Variants in CLSTN1 observed in about 807,000 individuals in gnomAD.
CLSTN1 encodes the protein calsyntenin-1.
In CLSTN1, 28 loss-of-function variants were observed where a neutral mutation model predicts 108.3. The observed-to-expected ratio is 0.26, with a 90% CI of 0.19 to 0.35. CLSTN1 has a LOEUF of 0.35. Ranked by LOEUF, CLSTN1 falls within the 10% of genes least tolerant of loss-of-function variation. The pLI is 1.00. For synonymous variants in CLSTN1, 524 were observed against 534.9 expected (o/e 0.98, Z 0.28); for missense variants, 1,157 against 1,302.6 (o/e 0.89, Z 1.72).
intron 12 of CLSTN1, 26 bp from the exon 13 acceptor site, chr1:9,735,641 G>A (rs775282703): frequency 6.2e-7 from 1 of 1,613,574 alleles, no homozygotes; most frequent in East Asian, 2.2e-5. Context: ...CCACAGAGAG[G>A]AGAAGAATAA....
chr1:9,750,799 C>A (rs1651521674), intron 5 of CLSTN1, among the ~76,000 whole-genome samples: 2 of 151,386 alleles, frequency 1.3e-5, no homozygotes. Flanking sequence ...ACATGTAATC[C>A]CAGCACTTTG....
Position 9,794,058 on chromosome 1 carries a change from G to T in CLSTN1, c.92-20664C>A, listed in dbSNP as rs150819309. On this transcript the variant is annotated intron_variant, in intron 1 of 18. Coordinates refer to ENST00000377298, the MANE Select transcript of CLSTN1 (RefSeq NM_001009566.3). The stretch of plus-strand genomic sequence containing the variant: ...TTTAGTTCAATAAACTAATTGGAGG[G>T]GGATGCTAATGACCGGTAATGACTT... Among the ~76,000 whole-genome samples the T allele has an allele frequency of 4.5e-3, 680 of 151,448 alleles. 40 individuals carry two copies. In the East Asian group the frequency reaches 0.046, roughly 10 times the overall value.
intron 1 of CLSTN1, among the ~76,000 whole-genome samples, chr1:9,807,014 G>A (rs532250499): frequency 6.6e-6 from 1 of 152,062 alleles, no homozygotes; most frequent in Admixed American, 6.6e-5. Context: ...AAGGGCGTGG[G>A]GGGGGGTCTG....
At position 9,803,263 on chromosome 1, in the gene CLSTN1, A is replaced by C. The variant is rs115030637; in HGVS notation, c.91+20380T>G. On this transcript the variant is annotated intron_variant, in intron 1 of 18. Transcript: ENST00000377298. ...AGGATTAGATAACCTCTCAAGGGGA[A>C]ACTGGATTTATGGGATATAGTCTAG... 8.6e-3 allele frequency among the ~76,000 whole-genome samples: 1,305 copies of C among 152,290 alleles called. 20 individuals are homozygous for C. The highest frequency in any genetic ancestry group is 0.044 in the East Asian group (226 of 5,180).
upstream of CLSTN1, chr1:9,824,000 A>G (rs1570537518): frequency 7.4e-6 from 1 of 135,822 alleles, no homozygotes; most frequent in African/African-American, 2.7e-5. This position sits in a 1 kb window ranked among gnomAD's most constrained non-coding sequence, Gnocchi z 6.3. Context: ...CGGCGAGGGT[A>G]CCCGGCCGGG....
In CLSTN1 at chr1:9,735,120, C is replaced by G. The variant is rs150571457; in HGVS notation, c.1938G>C (p.Met646Ile). ...ISVPPVDGYV[M>I]VLQPEEPKIS... ...TCTTGGGCTCCTCGGGCTGTAAAAC[C>G]ATCACGTAGCCATCTACCGGGGGGA... The change falls in exon 14 of 19, where the codon ATG (methionine) becomes ATC (isoleucine). Residue 646 changes from methionine (M) to isoleucine (I), a missense_variant. Coordinates refer to ENST00000377298, the MANE Select transcript of CLSTN1 (RefSeq NM_001009566.3). 6.2e-7 allele frequency: 1 copy of G among 1,614,186 alleles called. No individual in the cohort carries two copies. The highest frequency in any genetic ancestry group is 8.5e-7 in the Non-Finnish European group (1 of 1,180,040).
intron 1 of CLSTN1, among the ~76,000 whole-genome samples, chr1:9,814,084 A>G (rs1654876514): frequency 1.3e-5 from 2 of 151,810 alleles, no homozygotes; most frequent in African/African-American, 4.8e-5. Context: ...CCTGGGTGAC[A>G]GAGCGAGACA....
chr1:9,763,442 G>C (rs1652182056), intron 2 of CLSTN1, among the ~76,000 whole-genome samples: 1 of 152,156 alleles, frequency 6.6e-6, no homozygotes, highest in Admixed American at 6.6e-5. Flanking sequence ...TGGTTCTAGG[G>C]GCAGAGCCCA....
intron 2 of CLSTN1, among the ~76,000 whole-genome samples, chr1:9,770,415 G>A (rs147032890): frequency 3.9e-5 from 6 of 152,122 alleles, no homozygotes; most frequent in South Asian, 4.2e-4. Flanking sequence ...GTTAACACTC[G>A]GCGTACATTT....
At position 9,730,594 on chromosome 1, in the gene CLSTN1, C is replaced by A; in HGVS notation, c.2860G>T (p.Glu954Ter). The A allele has an allele frequency of 6.2e-7, 1 of 1,610,006 alleles. No individual in the cohort carries two copies. Among genetic ancestry groups the A allele is most frequent in the Admixed American group, 1.7e-5 (1 of 60,004 alleles). ...TCGCCCTGCTCCCCCTCCTCCTCCT[C>A]GCTGCTCTCCGACTCGGCGCTGGTG... is the stretch of plus-strand genomic sequence containing the variant. ...DITSAESESS[E>*]EEEGEQGDPQ... The change falls in exon 19 of 19, where the codon GAG becomes TAG. Residue 954 changes from glutamate to a stop codon, truncating the protein, a stop_gained. Transcript: ENST00000377298. LOFTEE classifies it high-confidence loss of function. This position sits in a 1 kb window ranked among gnomAD's most constrained non-coding sequence, Gnocchi z 5.6.
chr1:9,811,225 C>A (rs1050830462), intron 1 of CLSTN1, among the ~76,000 whole-genome samples: 44 of 152,222 alleles, frequency 2.9e-4, no homozygotes, highest in Admixed American at 1.6e-3. Context: ...ATGAAGCTAT[C>A]CCAGTGGTAC....
chr1:9,772,853 G>A (rs1241890913), intron 2 of CLSTN1, among the ~76,000 whole-genome samples: 4 of 152,088 alleles, frequency 2.6e-5, no homozygotes, highest in African/African-American at 7.2e-5. Context: ...AACCCCTGGC[G>A]CTGTGATTCT....
At chr1:9,767,192 C>T (rs1166821195) in intron 2 of CLSTN1, among the ~76,000 whole-genome samples, 1 of 152,222 alleles carries the variant, frequency 6.6e-6, no homozygotes, top group East Asian at 1.9e-4. Context: ...GGCAGACACG[C>T]TGAGCCTGGT....
intron 2 of CLSTN1, among the ~76,000 whole-genome samples, chr1:9,763,099 C>G (rs1363705418): frequency 6.6e-6 from 1 of 152,000 alleles, no homozygotes; most frequent in African/African-American, 2.4e-5. Context: ...GTAGCTGGGA[C>G]TACAGGTGCA....
At chr1:9,821,950 G>T (rs533585723) in intron 1 of CLSTN1, among the ~76,000 whole-genome samples, 3 of 152,334 alleles carry the variant, frequency 2.0e-5, no homozygotes, top group Admixed American at 6.5e-5. Flanking sequence ...CTCAGGTAAT[G>T]AAGATATTCA....
intron 1 of CLSTN1, among the ~76,000 whole-genome samples, chr1:9,778,132 A>G (rs998546642): frequency 1.3e-5 from 2 of 152,030 alleles, no homozygotes; most frequent in Admixed American, 6.6e-5. Flanking sequence ...GTGATTAAAC[A>G]TGCAATCACA....
chr1:9,737,768 T>C (rs1650770000), intron 10 of CLSTN1, among the ~76,000 whole-genome samples: 1 of 152,166 alleles, frequency 6.6e-6, no homozygotes, highest in African/African-American at 2.4e-5. Flanking sequence ...CCAGGCTTCT[T>C]TTGTTCCACC....
chr1:9,799,630 G>C (rs1290454579), intron 1 of CLSTN1, among the ~76,000 whole-genome samples: 1 of 145,556 alleles, frequency 6.9e-6, no homozygotes, highest in Non-Finnish European at 1.5e-5. Flanking sequence ...AACAGAGCAA[G>C]ACTCCATCTC....
chr1:9,738,409 G>A lies in CLSTN1; in HGVS notation c.1520-855C>T, dbSNP rs75007846. ...CTAGGGCCCCTTTTGGGCTGCGGCTGTGCGGGGCTGCATCAAGGGGCAAGG... is the reference window on the plus strand; with the variant it reads ...CTAGGGCCCCTTTTGGGCTGCGGCTATGCGGGGCTGCATCAAGGGGCAAGG... On this transcript the variant is annotated intron_variant, in intron 10 of 18. Coordinates refer to ENST00000377298, the MANE Select transcript of CLSTN1 (RefSeq NM_001009566.3). Among the ~76,000 whole-genome samples, 4 of 152,304 alleles carry A rather than the reference G, an allele frequency of 2.6e-5. 1 individual carries two copies. The highest frequency in any genetic ancestry group is 2.6e-4 in the Admixed American group (4 of 15,308).
Sources: allele counts gnomAD v4.1 joint callset (sites outside exome capture counted in the v4.1 genomes callset), GRCh38; gene constraint gnomAD v4.1.1; non-coding constraint Gnocchi (gnomAD v3.1); transcripts MANE v1.5; gene names NCBI Gene and HGNC (gene_info 2026-07-23, HGNC 2026-07-21).